HDAC6: variants seen among roughly 807,000 people sequenced by gnomAD.
HDAC6 encodes protein deacetylase HDAC6.
In HDAC6, 5 loss-of-function variants were observed where a neutral mutation model predicts 88.9. The ratio of observed to expected loss-of-function variants is 0.06; its 90% CI spans 0.03 to 0.12. The LOEUF (loss-of-function observed/expected upper bound fraction) is 0.12. HDAC6 is among the 10% of genes least tolerant of loss of function. HDAC6 has a pLI of 1.00. For synonymous variants in HDAC6, 378 were observed against 398.0 expected (o/e 0.95, Z 0.60); for missense variants, 706 against 1,014.4 (o/e 0.70, Z 4.13).
chrX:48,819,894 T>C (rs1557029122), intron 22 of HDAC6: 2 of 506,389 alleles, frequency 3.9e-6, no homozygotes, highest in Admixed American at 5.3e-5. Flanking sequence ...CTATTTCTTC[T>C]ACCTCTGAGT....
intron 8 of HDAC6, among the ~76,000 whole-genome samples, chrX:48,807,185 C>T (rs1486194758): frequency 8.9e-6 from 1 of 112,130 alleles, no homozygotes; most frequent in Non-Finnish European, 1.9e-5. Context: ...TGACATACTC[C>T]CTTCGTACCA....
In HDAC6 at chrX:48,815,460, T is replaced by C; in HGVS notation, c.1226T>C (p.Met409Thr). Residue 409 changes from methionine to threonine, a missense_variant, in exon 15 of 29, where the codon ATG becomes ACG. Coordinates refer to ENST00000334136, the MANE Select transcript of HDAC6 (RefSeq NM_006044.4). The part of the protein sequence containing the change: ...LHTLLGDPCP[M>T]LESPGAPCRS... ...ACCCTTCTGGGAGACCCTTGCCCCA[T>C]GCTGGAGTCACCTGGTGCCCCCTGC... The C allele has an allele frequency of 8.3e-7, 1 of 1,208,645 alleles. No individual in the cohort carries two copies. The highest frequency in any genetic ancestry group is 3.0e-5 in the East Asian group (1 of 33,781).
At chrX:48,806,310 G>A in intron 6 of HDAC6, 58 bp from the exon 7 acceptor site, 1 of 758,794 alleles carries the variant, frequency 1.3e-6, no homozygotes, top group Admixed American at 2.2e-5. Flanking sequence ...GTTGGTGTAT[G>A]GACAGCTCAG....
At position 48,802,654 on chromosome X, in the gene HDAC6, C is replaced by A. The variant is rs782775597; in HGVS notation, c.-30-9C>A. The A allele has an allele frequency of 3.4e-6, 4 of 1,178,749 alleles. No individual in the cohort carries two copies. The highest frequency in any genetic ancestry group is 1.8e-5 in the African/African-American group (1 of 56,072). On this transcript the variant is annotated splice_polypyrimidine_tract_variant and intron_variant, in intron 1 of 28. Coordinates refer to ENST00000334136, the MANE Select transcript of HDAC6 (RefSeq NM_006044.4). ...CCTCACATACCCACGCTCCTCCCCC[C>A]ACCCCCAGAACCGCGGCAGGGGCCA...
Position 48,815,495 on chromosome X carries a change from G to A in HDAC6, c.1256+5G>A. ...ACCTGGTGCCCCCTGCCGGAGGTGA[G>A]CCCCGGTGGAGGAGGGGAAAGCGGG... is the stretch of plus-strand genomic sequence containing the variant. On this transcript the variant is annotated splice_donor_5th_base_variant and intron_variant, in intron 15 of 28. Transcript: ENST00000334136. 8.3e-7 allele frequency: 1 copy of A among 1,199,565 alleles called. No homozygotes were observed.
chrX:48,818,204 A>G lies in HDAC6; in HGVS notation c.1995-16A>G. On this transcript the variant is annotated splice_polypyrimidine_tract_variant and intron_variant, in intron 21 of 28. Transcript: ENST00000334136. ...CCTAACCAGCCATGGTCCGCTTCCCACCCCCTCCCTGGCAGTGTGCTATAT... is the reference window on the plus strand; with the variant it reads ...CCTAACCAGCCATGGTCCGCTTCCCGCCCCCTCCCTGGCAGTGTGCTATAT... 8.5e-7 allele frequency: 1 copy of G among 1,172,458 alleles called. No individual in the cohort carries two copies. The highest frequency in any genetic ancestry group is 1.1e-6 in the Non-Finnish European group (1 of 873,624).
intron 1 of HDAC6, 67 bp downstream of exon 1, chrX:48,802,209 C>G: frequency 1.2e-6 from 1 of 862,851 alleles, no homozygotes; most frequent in South Asian, 3.1e-5. Flanking sequence ...AAACCGGGGT[C>G]GGGGCCGGGG....
chrX:48,815,110 T>C, intron 14 of HDAC6, 59 bp downstream of exon 14: 1 of 972,201 alleles, frequency 1.0e-6, no homozygotes, highest in Non-Finnish European at 1.4e-6. Context: ...AGAACGAAGC[T>C]TTCAAGTCCA....
chrX:48,823,644 G>C (rs1380597048), intron 25 of HDAC6, 28 bp from the exon 26 acceptor site: 40 of 1,193,803 alleles, frequency 3.4e-5, no homozygotes, highest in Non-Finnish European at 4.5e-5. Flanking sequence ...GGGCTTCTCT[G>C]ATACATCTCT....
rs1038506465 is a variant in HDAC6 at position 48,824,038 on chromosome X, A to G, written c.3420A>G (p.Gln1140=). 5 of 1,209,111 alleles carry G rather than the reference A, an allele frequency of 4.1e-6. No homozygotes were observed. In the African/African-American group the frequency reaches 8.8e-5, roughly 21 times the overall value. ...TQPCGDCGTI[Q]ENWVCLSCYQ... ...CTTGTGGGGACTGTGGAACAATCCA[A>G]GAGAATTGGGTGTGTCTCTCTTGCT... Residue 1140 remains glutamine, a synonymous_variant, in exon 27 of 29, where the codon CAA becomes CAG. Coordinates refer to ENST00000334136, the MANE Select transcript of HDAC6 (RefSeq NM_006044.4).
Position 48,803,551 on chromosome X carries a change from G to C in HDAC6, c.311+335G>C. Reference sequence around the variant, plus strand: ...AGACTTAAGACCAGGGGATTCAAGGGTGTATAATAGAGGATCCTAAACTAG... The same window carrying C: ...AGACTTAAGACCAGGGGATTCAAGGCTGTATAATAGAGGATCCTAAACTAG... On this transcript the variant is annotated intron_variant, in intron 4 of 28. Transcript: ENST00000334136. 1.5e-5 allele frequency: 3 copies of C among 193,747 alleles called. No individual in the cohort carries two copies. In the South Asian group the frequency reaches 3.9e-4, roughly 25 times the overall value. 16.0% of individuals were successfully genotyped at this position (193,747 alleles called of 1,213,427 possible).
chrX:48,816,023 TATG>T lies in HDAC6; in HGVS notation c.1469_1471del (p.Met490del). 8.3e-7 allele frequency: 1 copy of T among 1,211,537 alleles called. No homozygotes were observed. Among genetic ancestry groups the T allele is most frequent in the Non-Finnish European group, 1.1e-6 (1 of 895,377 alleles). ...GCACAGGGCTGGTCTATGACCAAAA[TATG>T]ATGAATCACTGCAACTTGTGGGACA... On this transcript the variant is annotated inframe_deletion, in exon 17 of 29. Transcript: ENST00000334136.
chrX:48,823,476 G>A lies in HDAC6; in HGVS notation c.3077G>A (p.Ser1026Asn). The A allele has an allele frequency of 8.3e-7, 1 of 1,210,863 alleles. No homozygotes were observed. The highest frequency in any genetic ancestry group is 1.1e-6 in the Non-Finnish European group (1 of 895,016). ...TELIQTPLAS[S>N]TDHQTPPTSP... ...CTGATCCAAACTCCTCTAGCCTCGA[G>A]CACAGACCACCAGACCCCCCCAACC... Residue 1026 changes from serine to asparagine, a missense_variant, in exon 25 of 29, where the codon AGC becomes AAC. This residue lies in a region of HDAC6 where 112 missense variants were observed against 95.1 expected (regional missense o/e 1.18). Coordinates refer to ENST00000334136, the MANE Select transcript of HDAC6 (RefSeq NM_006044.4).
At chrX:48,817,568 TC>T in intron 20 of HDAC6, 109 bp downstream of exon 20, 1 of 779,181 alleles carries the variant, frequency 1.3e-6, no homozygotes, top group Non-Finnish European at 1.8e-6. Context: ...AGGACTTCCT[TC>T]CCCAGAAAGA....
Position 48,802,681 on chromosome X carries a change from G to A in HDAC6, c.-12G>A. The stretch of plus-strand genomic sequence containing the variant: ...CCCCCAGAACCGCGGCAGGGGCCAA[G>A]CCTCCTCAACTATGACCTCAACCGG... On this transcript the variant is annotated 5_prime_UTR_variant, in exon 2 of 29. Transcript: ENST00000334136. 1 of 1,201,580 alleles carries A rather than the reference G, an allele frequency of 8.3e-7. No individual in the cohort carries two copies. The highest frequency in any genetic ancestry group is 1.1e-6 in the Non-Finnish European group (1 of 890,522).
In HDAC6 at chrX:48,824,820, G is replaced by A. The variant is rs1557031941; in HGVS notation, c.*208G>A. 1 of 1,110,354 alleles carries A rather than the reference G, an allele frequency of 9.0e-7. No individual in the cohort carries two copies. The highest frequency in any genetic ancestry group is 1.2e-6 in the Non-Finnish European group (1 of 849,694). 91.5% of individuals were successfully genotyped at this position (1,110,354 alleles called of 1,213,427 possible). On this transcript the variant is annotated 3_prime_UTR_variant, in exon 29 of 29. Coordinates refer to ENST00000334136, the MANE Select transcript of HDAC6 (RefSeq NM_006044.4). ...GTGGATCTCCCCCTGCCCATTGCCT[G>A]CTTGAGGGGCACCACTACTCCAGCC...
At chrX:48,812,052 A>G (rs1047362038) in intron 10 of HDAC6, among the ~76,000 whole-genome samples, 6 of 112,755 alleles carry the variant, frequency 5.3e-5, no homozygotes, top group Non-Finnish European at 1.9e-5. Context: ...CCTGAAAATT[A>G]ACAATAATTA....
chrX:48,808,458 C>T (rs2062851712), intron 10 of HDAC6, 132 bp downstream of exon 10: 1 of 473,895 alleles, frequency 2.1e-6, no homozygotes, highest in East Asian at 3.7e-5. Flanking sequence ...AGGATCTGTG[C>T]TACTTTTGTG....
intron 10 of HDAC6, among the ~76,000 whole-genome samples, chrX:48,808,567 A>G (rs932417735): frequency 2.5e-4 from 28 of 112,147 alleles, no homozygotes; most frequent in Admixed American, 1.9e-4. Context: ...GAGGTCACAC[A>G]GAGAAGAACT....
Sources: gnomAD v4.1 joint callset for allele counts (sites outside exome capture counted in the v4.1 genomes callset) on GRCh38, gnomAD v4.1.1 for gene constraint, gnomAD v4.1.1 regional missense constraint, MANE v1.5 for transcripts, NCBI Gene and HGNC (gene_info 2026-07-23, HGNC 2026-07-21) for gene names.